Variants in NRP2 observed in about 807,000 individuals in gnomAD.
NRP2 encodes the protein neuropilin-2.
A neutral mutation model predicts 110.4 loss-of-function variants in NRP2; 52 were observed. That is an observed-to-expected ratio of 0.47 (90% confidence interval 0.38 to 0.59). NRP2 has a LOEUF of 0.59. Ranked by LOEUF, NRP2 falls within the 20% of genes least tolerant of loss-of-function variation. NRP2 has a pLI of 0.00. For missense variants in NRP2, 1,049 were observed against 1,203.0 expected (o/e 0.87, Z 1.89); for synonymous variants, 508 against 468.9 (o/e 1.08, Z -1.08).
At chr2:205,716,130 G>T in intron 2 of NRP2, 63 bp from the exon 3 acceptor site, 1 of 1,539,246 alleles carries the variant, frequency 6.5e-7, no homozygotes, top group South Asian at 1.1e-5. Flanking sequence ...AAGTGGGAGC[G>T]ACACAGTGGT....
At chr2:205,692,832 T>C (rs1036875365) in intron 1 of NRP2, among the ~76,000 whole-genome samples, 8 of 152,184 alleles carry the variant, frequency 5.3e-5, no homozygotes, top group Non-Finnish European at 1.2e-4. Context: ...ATAAGATCTA[T>C]TCCCCACCTC....
intron 1 of NRP2, among the ~76,000 whole-genome samples, chr2:205,696,520 A>G (rs931723641): frequency 3.9e-5 from 6 of 152,066 alleles, no homozygotes; most frequent in African/African-American, 1.4e-4. Flanking sequence ...AAAACTCCCT[A>G]TTTCCCAAGA....
chr2:205,734,308 T>G (rs543421803), intron 7 of NRP2, among the ~76,000 whole-genome samples: 1 of 152,092 alleles, frequency 6.6e-6, no homozygotes, highest in African/African-American at 2.4e-5. Context: ...GTTTTTAAAT[T>G]GTCTTTAAAG....
At chr2:205,740,463 G>T in intron 7 of NRP2, 56 bp from the exon 8 acceptor site, 2 of 1,604,990 alleles carry the variant, frequency 1.2e-6, no homozygotes, top group Non-Finnish European at 1.7e-6. Flanking sequence ...GACTGCTCAA[G>T]TGGCTGAACT....
intron 15 of NRP2, among the ~76,000 whole-genome samples, chr2:205,771,333 A>G (rs556689204): frequency 6.6e-6 from 1 of 152,316 alleles, no homozygotes; most frequent in East Asian, 1.9e-4. Context: ...TTCTTCTACT[A>G]TCTTCTGTAA....
chr2:205,689,777 T>C (rs982319569), intron 1 of NRP2, among the ~76,000 whole-genome samples: 4 of 152,068 alleles, frequency 2.6e-5, no homozygotes, highest in Non-Finnish European at 5.9e-5. Context: ...ACACTGAGAG[T>C]GTGCTCAGCA....
intron 2 of NRP2, among the ~76,000 whole-genome samples, chr2:205,699,378 G>C (rs1299470359): frequency 6.6e-6 from 1 of 152,232 alleles, no homozygotes; most frequent in African/African-American, 2.4e-5. Flanking sequence ...CTGGGTCTAA[G>C]CTCAGAGAAA....
intron 7 of NRP2, among the ~76,000 whole-genome samples, chr2:205,736,374 A>AAT (rs989831067): frequency 2.6e-5 from 4 of 152,120 alleles, no homozygotes; most frequent in African/African-American, 9.7e-5. Context: ...ATAAATAAAA[A>AAT]ATATATGTCC....
In NRP2 at chr2:205,683,251, A is replaced by G; in HGVS notation, c.-40A>G. On this transcript the variant is annotated 5_prime_UTR_variant, in exon 1 of 17. Transcript: ENST00000357785. ...AAAAACACAAAGATTTAAACAAGAAACCTACGAACCCAGCTCTGGAAAGAG... is the reference window on the plus strand; with the variant it reads ...AAAAACACAAAGATTTAAACAAGAAGCCTACGAACCCAGCTCTGGAAAGAG... 1 of 1,431,214 alleles carries G rather than the reference A, an allele frequency of 7.0e-7. No individual in the cohort carries two copies. The highest frequency in any genetic ancestry group is 9.9e-7 in the Non-Finnish European group (1 of 1,015,182). 88.7% of individuals were successfully genotyped at this position (1,431,214 alleles called of 1,614,324 possible).
intron 15 of NRP2, among the ~76,000 whole-genome samples, chr2:205,774,927 T>A (rs1400470523): frequency 1.3e-5 from 2 of 152,094 alleles, no homozygotes; most frequent in Admixed American, 1.3e-4. Flanking sequence ...GCTCTGAATC[T>A]TAGGGTGGGT....
chr2:205,725,205 A>G lies in NRP2; in HGVS notation c.821-708A>G, dbSNP rs1287506380. ...TGAATGGTCAGTGCAGTCACAGAGT[A>G]AAGAATAGGTTGATACCTGATAAGG... On this transcript the variant is annotated intron_variant, in intron 5 of 16. Transcript: ENST00000357785. This position sits in a 1 kb window ranked among gnomAD's most constrained non-coding sequence, Gnocchi z 4.1. 4.6e-5 allele frequency among the ~76,000 whole-genome samples: 7 copies of G among 152,216 alleles called. No individual in the cohort carries two copies. The highest frequency in any genetic ancestry group is 1.0e-4 in the Non-Finnish European group (7 of 68,030).
intron 2 of NRP2, among the ~76,000 whole-genome samples, chr2:205,707,812 G>T (rs2056712416): frequency 6.6e-6 from 1 of 152,156 alleles, no homozygotes; most frequent in Admixed American, 6.5e-5. Flanking sequence ...ACCTATTCCG[G>T]AGGGAACTGT....
chr2:205,776,509 C>T (rs770910096), intron 15 of NRP2: 2 of 1,606,652 alleles, frequency 1.2e-6, no homozygotes, highest in East Asian at 2.2e-5. Context: ...AGAGCAAGAC[C>T]GTGGCTCGCA....
At chr2:205,788,720 C>T (rs1410788307) in intron 15 of NRP2, among the ~76,000 whole-genome samples, 3 of 152,178 alleles carry the variant, frequency 2.0e-5, no homozygotes, top group Non-Finnish European at 2.9e-5. Flanking sequence ...TGGACTCCAG[C>T]AGCACTTGGG....
intron 2 of NRP2, among the ~76,000 whole-genome samples, chr2:205,704,552 CA>C (rs952850444): frequency 1.3e-5 from 2 of 152,214 alleles, no homozygotes; most frequent in African/African-American, 4.8e-5. Flanking sequence ...CTGCTGGCCC[CA>C]CACTTACCAA....
chr2:205,723,644 G>C, intron 4 of NRP2, 141 bp from the exon 5 acceptor site: 1 of 855,610 alleles, frequency 1.2e-6, no homozygotes, highest in South Asian at 1.5e-5. Flanking sequence ...CATTGTTCTT[G>C]AAACATATCT....
Position 205,763,466 on chromosome 2 carries a change from A to T in NRP2, c.2045-208A>T. On this transcript the variant is annotated intron_variant, in intron 12 of 16. Coordinates refer to ENST00000357785, the MANE Select transcript of NRP2 (RefSeq NM_003872.3). The surrounding 1 kb of genome is among the most constrained non-coding windows in gnomAD (Gnocchi z 4.0). ...GAAATAGGCAGGAGGGACCGATTTG[A>T]CTTAGAGACTCTTAAGAAAACACAG... Among the ~76,000 whole-genome samples the T allele has an allele frequency of 6.6e-6, 1 of 152,116 alleles. No individual in the cohort carries two copies. The highest frequency in any genetic ancestry group is 6.5e-5 in the Admixed American group (1 of 15,282).
chr2:205,722,242 T>G (rs2057035350), intron 3 of NRP2: 1 of 450,572 alleles, frequency 2.2e-6, no homozygotes, highest in Non-Finnish European at 4.1e-6. Flanking sequence ...ACTCCCCAAT[T>G]CCTCAATTGC....
chr2:205,789,358 GGTAA>G (rs2058272422), intron 15 of NRP2, among the ~76,000 whole-genome samples: 1 of 152,172 alleles, frequency 6.6e-6, no homozygotes. Context: ...TCGTGTGGGT[GGTAA>G]GATCCCTTCC....
Sources: allele counts gnomAD v4.1 joint callset (sites outside exome capture counted in the v4.1 genomes callset), GRCh38; gene constraint gnomAD v4.1.1; non-coding constraint Gnocchi (gnomAD v3.1); transcripts MANE v1.5; gene names NCBI Gene and HGNC (gene_info 2026-07-23, HGNC 2026-07-21).